Variants in KIAA1217 observed in about 807,000 individuals in gnomAD.
The protein encoded by KIAA1217 is KIAA1217, also known as sickle tail protein homolog.
Under a neutral mutation model 163.9 loss-of-function variants are expected in KIAA1217, and 88 were observed. The ratio of observed to expected loss-of-function variants is 0.54; its 90% CI spans 0.45 to 0.64. KIAA1217 has a LOEUF of 0.64. Among genes scored for constraint, KIAA1217 ranks in the 30% least tolerant of loss-of-function variants. The pLI, the probability that KIAA1217 is intolerant of heterozygous loss-of-function variation, is 0.00. For missense variants in KIAA1217, 2,372 were observed against 2,475.0 expected, an observed-to-expected ratio of 0.96 and a Z score of 0.88; for synonymous variants, 903 against 923.1, an observed-to-expected ratio of 0.98 and a Z score of 0.39.
chr10:23,994,649 C>T (rs1329973153), intron 1 of KIAA1217, among the ~76,000 whole-genome samples: 1 of 152,240 alleles, frequency 6.6e-6, no homozygotes, highest in Non-Finnish European at 1.5e-5. Flanking sequence ...AGTTCAGCAT[C>T]ATCCCACCAG....
intron 2 of KIAA1217, among the ~76,000 whole-genome samples, chr10:24,123,927 A>G (rs570227199): frequency 6.6e-6 from 1 of 152,316 alleles, no homozygotes; most frequent in African/African-American, 2.4e-5. Flanking sequence ...TGTGTTATAT[A>G]TTAGTATTCT....
intron 2 of KIAA1217, among the ~76,000 whole-genome samples, chr10:24,076,185 T>A (rs1005970180): frequency 1.3e-5 from 2 of 152,182 alleles, no homozygotes; most frequent in Non-Finnish European, 2.9e-5. Flanking sequence ...GGCCAACTCA[T>A]GAGTCACACC....
intron 2 of KIAA1217, among the ~76,000 whole-genome samples, chr10:24,361,882 G>A (rs1028044546): frequency 1.3e-5 from 2 of 151,470 alleles, no homozygotes; most frequent in African/African-American, 4.9e-5. Context: ...GGCTGAGGCA[G>A]GAGAATGGCG....
intron 2 of KIAA1217, among the ~76,000 whole-genome samples, chr10:24,366,783 T>C (rs1359789489): frequency 6.6e-6 from 1 of 152,224 alleles, no homozygotes; most frequent in Non-Finnish European, 1.5e-5. Flanking sequence ...TCATTTGGGT[T>C]GGGCAGGCTC....
chr10:23,894,244 T>C (rs1425309544), intron 1 of KIAA1217, among the ~76,000 whole-genome samples: 1 of 151,632 alleles, frequency 6.6e-6, no homozygotes, highest in African/African-American at 2.4e-5. Flanking sequence ...GAAAACCCCA[T>C]TGTCTCAGCC....
intron 2 of KIAA1217, among the ~76,000 whole-genome samples, chr10:24,363,195 C>G (rs2050258366): frequency 1.3e-5 from 2 of 152,192 alleles, no homozygotes; most frequent in South Asian, 4.1e-4. Flanking sequence ...GTTTGAAGTA[C>G]TGTACGTGTG....
intron 1 of KIAA1217, among the ~76,000 whole-genome samples, chr10:23,932,923 G>T (rs1843316169): frequency 6.6e-6 from 1 of 152,196 alleles, no homozygotes; most frequent in Non-Finnish European, 1.5e-5. Context: ...GGAACCATAT[G>T]TAAGGACCAC....
intron 2 of KIAA1217, among the ~76,000 whole-genome samples, chr10:24,195,429 G>A (rs1379008431): frequency 6.6e-6 from 1 of 152,142 alleles, no homozygotes; most frequent in Admixed American, 6.5e-5. Flanking sequence ...CCCAAGACAA[G>A]GAACCCAGAA....
In KIAA1217 at chr10:23,867,793, T is replaced by G. The variant is rs565822609; in HGVS notation, c.-320-139432T>G. On this transcript the variant is annotated intron_variant, in intron 1 of 18. Transcript: ENST00000376462. ...GTAGGTTGTGAAAATTTTCTCCCAT[T>G]CTGTAGGTTGCCTGTTCACTCTGAT... Among the ~76,000 whole-genome samples the G allele has an allele frequency of 5.6e-4, 86 of 152,266 alleles. 1 individual carries two copies. The highest frequency in any genetic ancestry group is 2.0e-3 in the African/African-American group (83 of 41,560).
At chr10:23,963,666 T>C (rs1398304996) in intron 1 of KIAA1217, among the ~76,000 whole-genome samples, 1 of 152,168 alleles carries the variant, frequency 6.6e-6, no homozygotes, top group East Asian at 1.9e-4. Context: ...GTATTTCTGG[T>C]TCTAGATCCT....
At chr10:24,542,631 T>C in intron 17 of KIAA1217, 62 bp from the exon 18 acceptor site, 10 of 1,588,190 alleles carry the variant, frequency 6.3e-6, no homozygotes, top group Non-Finnish European at 8.6e-6. Flanking sequence ...GATTTAGTTA[T>C]AGTCCACTTT....
chr10:24,053,426 T>C (rs1849659400), intron 2 of KIAA1217, among the ~76,000 whole-genome samples: 1 of 152,160 alleles, frequency 6.6e-6, no homozygotes, highest in Admixed American at 6.6e-5. Context: ...TGAATATATA[T>C]ATATAGCATT....
chr10:24,111,982 G>T (rs927906047), intron 2 of KIAA1217, among the ~76,000 whole-genome samples: 1 of 151,828 alleles, frequency 6.6e-6, no homozygotes, highest in Admixed American at 6.6e-5. Context: ...TTGTTTTTTT[G>T]TAGAGACAGG....
At chr10:24,515,409 T>C (rs2069946256) in intron 10 of KIAA1217, among the ~76,000 whole-genome samples, 1 of 152,196 alleles carries the variant, frequency 6.6e-6, no homozygotes. Context: ...ATTGGTTAGC[T>C]GAGATAATTC....
chr10:24,239,016 C>A, intron 2 of KIAA1217: 1 of 246,650 alleles, frequency 4.1e-6, no homozygotes, highest in Non-Finnish European at 6.5e-6. Context: ...TTTAAGTCTT[C>A]GCCTGACAGG....
At chr10:23,740,557 G>C (rs1839051139) in intron 1 of KIAA1217, among the ~76,000 whole-genome samples, 1 of 152,062 alleles carries the variant, frequency 6.6e-6, no homozygotes. Flanking sequence ...ATGGGGTCCT[G>C]CTATATTGCC....
rs915982493 is a variant in KIAA1217, at chr10:23,810,579, A to G, written c.-321+115345A>G. 2.3e-5 allele frequency among the ~76,000 whole-genome samples: 3 copies of G among 129,716 alleles called. No homozygotes were observed. The East Asian group carries it at 6.6e-4, about 29-fold the overall frequency. The allele number at this position is 129,716 out of a possible 152,430, so 85.1% of individuals were successfully genotyped here. ...ATAGTATATATAGTATAATCTATAT[A>G]TAATATATATAGTGTGTATATATAA... On this transcript the variant is annotated intron_variant, in intron 1 of 18. Coordinates refer to the KIAA1217 transcript ENST00000376462.
chr10:24,254,362 C>T (rs1398864840), intron 2 of KIAA1217, among the ~76,000 whole-genome samples: 2 of 152,344 alleles, frequency 1.3e-5, no homozygotes, highest in South Asian at 2.1e-4. Context: ...GAGTTGGTCT[C>T]ATAGCCTGTG....
chr10:23,863,157 A>G (rs1456186895), intron 1 of KIAA1217, among the ~76,000 whole-genome samples: 2 of 152,192 alleles, frequency 1.3e-5, no homozygotes, highest in East Asian at 3.9e-4. Flanking sequence ...CTCATCTGTG[A>G]AATGGGGAAG....
Sources: gnomAD v4.1 joint callset for allele counts (sites outside exome capture counted in the v4.1 genomes callset) on GRCh38, gnomAD v4.1.1 for gene constraint, MANE v1.5 for transcripts, NCBI Gene and HGNC (gene_info 2026-07-23, HGNC 2026-07-21) for gene names.